Variants in C1orf94 observed in about 807,000 individuals in gnomAD.
C1orf94 encodes the protein chromosome 1 open reading frame 94.
Under a neutral mutation model 53.6 loss-of-function variants are expected in C1orf94, and 45 were observed. The ratio of observed to expected loss-of-function variants is 0.84; its 90% CI spans 0.66 to 1.08. The LOEUF (loss-of-function observed/expected upper bound fraction) is 1.08, where lower values mean the gene tolerates loss of function less well. C1orf94 is among the 50% of genes least tolerant of loss of function. The pLI is 0.00. For synonymous variants in C1orf94, 304 were observed against 296.1 expected (o/e 1.03, Z -0.27); for missense variants, 762 against 738.9 (o/e 1.03, Z -0.36).
At chr1:34,182,837 G>A (rs1642330480) in intron 1 of C1orf94, among the ~76,000 whole-genome samples, 1 of 152,118 alleles carries the variant, frequency 6.6e-6, no homozygotes, top group Non-Finnish European at 1.5e-5. Context: ...GGTCTCTGAA[G>A]TAATTCCCCA....
chr1:34,197,356 C>T lies in C1orf94; in HGVS notation c.452C>T (p.Pro151Leu). Residue 151 changes from proline to leucine, a missense_variant, in exon 2 of 7, where the codon CCC (proline) becomes CTC (leucine). Coordinates refer to ENST00000488417, the MANE Select transcript of C1orf94 (RefSeq NM_001134734.2). The surrounding 1 kb of genome is among the most constrained non-coding windows in gnomAD (Gnocchi z 4.1). The stretch of plus-strand genomic sequence containing the variant: ...GAGCTGGAGGTACCCGGCAGCTCTC[C>T]CGAGGGGACCAGAGAGCTGGCTCCC... ...SGELEVPGSSPEGTRELAPCI... is the reference protein window; with the variant it reads ...SGELEVPGSSLEGTRELAPCI... 3 of 1,606,066 alleles carry T rather than the reference C, an allele frequency of 1.9e-6. No individual in the cohort carries two copies. In the South Asian group the frequency reaches 3.3e-5, roughly 18 times the overall value.
chr1:34,195,251 A>G (rs1642560190), intron 1 of C1orf94, among the ~76,000 whole-genome samples: 1 of 152,206 alleles, frequency 6.6e-6, no homozygotes, highest in Non-Finnish European at 1.5e-5. Context: ...TTTCCTGTGC[A>G]CAGGGCACTG....
At chr1:34,194,784 A>G (rs1642553718) in intron 1 of C1orf94, among the ~76,000 whole-genome samples, 1 of 152,194 alleles carries the variant, frequency 6.6e-6, no homozygotes, top group South Asian at 2.1e-4. Flanking sequence ...CCATTATCAC[A>G]ATTTTTAAAA....
At chr1:34,186,625 T>G (rs1297478996) in intron 1 of C1orf94, among the ~76,000 whole-genome samples, 2 of 152,164 alleles carry the variant, frequency 1.3e-5, no homozygotes, top group Admixed American at 6.5e-5. Flanking sequence ...GACAAATGCT[T>G]CCCCAGCTCT....
intron 1 of C1orf94, among the ~76,000 whole-genome samples, chr1:34,170,101 T>A (rs61769838): frequency 6.8e-4 from 103 of 152,380 alleles, no homozygotes; most frequent in Non-Finnish European, 1.2e-3. Flanking sequence ...TTGGAGTTTG[T>A]TACAGCAGCT....
intron 2 of C1orf94, 132 bp from the exon 3 acceptor site, chr1:34,200,640 A>G: frequency 8.0e-7 from 1 of 1,246,568 alleles, no homozygotes; most frequent in Non-Finnish European, 1.1e-6. Context: ...TGGCTGAAAG[A>G]GAGTCCCCCA....
Position 34,188,723 on chromosome 1 carries a change from G to A in C1orf94, c.321-8502G>A, listed in dbSNP as rs969018330. Among the ~76,000 whole-genome samples, 6 of 152,298 alleles carry A rather than the reference G, an allele frequency of 3.9e-5. No individual in the cohort carries two copies. In the South Asian group the frequency reaches 1.0e-3, roughly 26 times the overall value. ...CACTTAATCCTCACTGCGGCCCGGA[G>A]GGTGGAGGAGGGCTGGGGGTGGGGA... On this transcript the variant is annotated intron_variant, in intron 1 of 6. Coordinates refer to ENST00000488417, the MANE Select transcript of C1orf94 (RefSeq NM_001134734.2).
At chr1:34,191,538 C>G (rs1046920575) in intron 1 of C1orf94, among the ~76,000 whole-genome samples, 5 of 152,154 alleles carry the variant, frequency 3.3e-5, no homozygotes, top group African/African-American at 1.2e-4. Context: ...GAAACTCACC[C>G]AAAGCCATGA....
At position 34,200,779 on chromosome 1, in the gene C1orf94, C is replaced by T. The variant is rs1360736485; in HGVS notation, c.1017C>T (p.Ser339=). The part of the protein sequence containing the change: ...AVERHHLMEW[S]PGTKEPKKGQ... ...GTTTCTTTCCTGCTACAGAATGGAG[C>T]CCTGGCACCAAGGAGCCAAAAAAGG... is the stretch of plus-strand genomic sequence containing the variant. The change falls in exon 3 of 7, where the codon AGC becomes AGT. Residue 339 remains serine (S), a synonymous_variant. Coordinates refer to ENST00000488417, the MANE Select transcript of C1orf94 (RefSeq NM_001134734.2). The T allele has an allele frequency of 1.2e-6, 2 of 1,613,978 alleles. No homozygotes were observed. The highest frequency in any genetic ancestry group is 2.7e-5 in the African/African-American group (2 of 74,908).
chr1:34,184,315 T>C (rs961595928), intron 1 of C1orf94, among the ~76,000 whole-genome samples: 7 of 151,964 alleles, frequency 4.6e-5, no homozygotes, highest in African/African-American at 1.4e-4. Context: ...AGAAGTTACA[T>C]GGGAGTGAAG....
Position 34,193,185 on chromosome 1 carries a change from AT to A in C1orf94, c.321-4039del, listed in dbSNP as rs1449425044. Among the ~76,000 whole-genome samples, 3 of 152,180 alleles carry A rather than the reference AT, an allele frequency of 2.0e-5. No individual in the cohort carries two copies. In the East Asian group the frequency reaches 5.8e-4, roughly 29 times the overall value. On this transcript the variant is annotated intron_variant, in intron 1 of 6. Coordinates refer to ENST00000488417, the MANE Select transcript of C1orf94 (RefSeq NM_001134734.2). Reference sequence around the variant, plus strand: ...GTTTGATAAAGGCTCTTGGGAGGGAATGGAGATGTGATGACAGTGATGGGGA... The same window carrying A: ...GTTTGATAAAGGCTCTTGGGAGGGAAGGAGATGTGATGACAGTGATGGGGA...
intron 1 of C1orf94, among the ~76,000 whole-genome samples, chr1:34,183,406 T>C (rs1200357833): frequency 6.6e-6 from 1 of 152,238 alleles, no homozygotes; most frequent in South Asian, 2.1e-4. Flanking sequence ...CATTTCTTCA[T>C]TCATGAATTC....
At chr1:34,212,664 A>G (rs1327095366) in intron 6 of C1orf94, among the ~76,000 whole-genome samples, 1 of 152,130 alleles carries the variant, frequency 6.6e-6, no homozygotes, top group East Asian at 1.9e-4. Flanking sequence ...CACGGTCCAT[A>G]ACATATGGAT....
chr1:34,192,651 C>T (rs1642512594), intron 1 of C1orf94, among the ~76,000 whole-genome samples: 1 of 151,816 alleles, frequency 6.6e-6, no homozygotes. Context: ...GGTGATGGTA[C>T]AAACGCTGTG....
intron 1 of C1orf94, among the ~76,000 whole-genome samples, chr1:34,170,702 C>T (rs1642133547): frequency 6.7e-6 from 1 of 148,522 alleles, no homozygotes; most frequent in Non-Finnish European, 1.5e-5. Context: ...CCCCACCCCA[C>T]CCCTTCCACC....
At chr1:34,205,069 G>A (rs955113608) in intron 4 of C1orf94, among the ~76,000 whole-genome samples, 8 of 152,200 alleles carry the variant, frequency 5.3e-5, no homozygotes, top group Non-Finnish European at 1.0e-4. Context: ...AGTGGGGATA[G>A]CATCTCTTTG....
At chr1:34,202,998 A>G (rs912276482) in intron 4 of C1orf94, among the ~76,000 whole-genome samples, 5 of 152,260 alleles carry the variant, frequency 3.3e-5, no homozygotes, top group Admixed American at 3.3e-4. Flanking sequence ...ATTAAAGGAT[A>G]CAGGAGCATG....
chr1:34,215,886 A>T (rs1173786778), intron 6 of C1orf94, among the ~76,000 whole-genome samples: 1 of 152,098 alleles, frequency 6.6e-6, no homozygotes, highest in Non-Finnish European at 1.5e-5. Flanking sequence ...GGTGCCTATA[A>T]TCCCAGCTAC....
intron 1 of C1orf94, among the ~76,000 whole-genome samples, chr1:34,167,976 C>T (rs1262779162): frequency 6.6e-6 from 1 of 152,176 alleles, no homozygotes. Context: ...ACACCTAGTG[C>T]ACAGTCCCTG....
Sources: allele counts gnomAD v4.1 joint callset (sites outside exome capture counted in the v4.1 genomes callset), GRCh38; gene constraint gnomAD v4.1.1; non-coding constraint Gnocchi (gnomAD v3.1); transcripts MANE v1.5; gene names NCBI Gene and HGNC (gene_info 2026-07-23, HGNC 2026-07-21).